The following PCDH15 variants were observed in gnomAD, a reference collection of about 807,000 sequenced individuals.
PCDH15 encodes the protein protocadherin-15.
Under a neutral mutation model 178.5 loss-of-function variants are expected in PCDH15, and 129 were observed. The ratio of observed to expected loss-of-function variants is 0.72; its 90% CI spans 0.63 to 0.84. PCDH15 has a LOEUF of 0.84. Among genes scored for constraint, PCDH15 ranks in the 40% least tolerant of loss-of-function variants. PCDH15 has a pLI of 0.00. For missense variants in PCDH15, 2,230 were observed against 2,099.9 expected (o/e 1.06, Z -1.21); for synonymous variants, 800 against 732.0 (o/e 1.09, Z -1.50).
chr10:54,483,562 G>GA (rs902348406), intron 3 of PCDH15, among the ~76,000 whole-genome samples: 1 of 151,650 alleles, frequency 6.6e-6, no homozygotes, highest in African/African-American at 2.4e-5. Flanking sequence ...GTGTAATGGA[G>GA]AAAAAATAGG....
chr10:53,825,080 T>C lies in PCDH15; in HGVS notation c.4367+2313A>G, dbSNP rs34676448. 5,925 of 1,506,542 alleles carry C rather than the reference T, an allele frequency of 3.9e-3. 12 individuals are homozygous for C. The highest frequency in any genetic ancestry group is 4.2e-3 in the Non-Finnish European group (4,679 of 1,126,144). The allele number at this position is 1,506,542 out of a possible 1,614,324, so 93.3% of individuals were successfully genotyped here. ...TACAGTACAACAGCATTTTAATCTG[T>C]TCTATTGTATCTATTTTTCTAACGC... On this transcript the variant is annotated intron_variant, in intron 32 of 37. Coordinates refer to ENST00000644397, the MANE Select transcript of PCDH15 (RefSeq NM_001384140.1).
chr10:55,605,428 G>A (rs1294857142), intron 2 of PCDH15, among the ~76,000 whole-genome samples: 4 of 150,918 alleles, frequency 2.7e-5, no homozygotes, highest in South Asian at 2.1e-4. Flanking sequence ...CCAAAGCCGG[G>A]CAGAGACACA....
At chr10:55,386,869 A>T (rs1837673559) in intron 2 of PCDH15, among the ~76,000 whole-genome samples, 1 of 152,122 alleles carries the variant, frequency 6.6e-6, no homozygotes, top group Non-Finnish European at 1.5e-5. Context: ...GCGATTTCTA[A>T]GATTTCTTCT....
intron 2 of PCDH15, among the ~76,000 whole-genome samples, chr10:55,534,132 A>G (rs916882126): frequency 6.6e-6 from 1 of 152,078 alleles, no homozygotes; most frequent in Non-Finnish European, 1.5e-5. Context: ...TCCTAGAAGA[A>G]AACCTAGGAA....
intron 2 of PCDH15, among the ~76,000 whole-genome samples, chr10:55,118,594 C>T (rs1008196235): frequency 5.9e-5 from 9 of 152,160 alleles, no homozygotes; most frequent in African/African-American, 2.2e-4. Flanking sequence ...GATTTCAATG[C>T]AAGAAGAGGT....
chr10:54,613,867 C>A (rs542134151), intron 2 of PCDH15, among the ~76,000 whole-genome samples: 2 of 151,492 alleles, frequency 1.3e-5, no homozygotes, highest in South Asian at 2.1e-4. Flanking sequence ...AGCTCCTCAA[C>A]CTTGGATGAG....
rs185210620 is a variant in PCDH15 at position 53,989,593 on chromosome 10, T to C, written c.2868+6056A>G. Among the ~76,000 whole-genome samples the C allele has an allele frequency of 1.3e-3, 204 of 152,258 alleles. 1 individual carries two copies. The highest frequency in any genetic ancestry group is 3.4e-3 in the Middle Eastern group (1 of 294). ...ACAAATGGGAGTCAGGCTGGGACTA[T>C]AGCATGTCAATTTTCACAAGCTGAC... On this transcript the variant is annotated intron_variant, in intron 21 of 37. Transcript: ENST00000644397.
At chr10:54,983,293 C>T (rs562524184) in intron 2 of PCDH15, among the ~76,000 whole-genome samples, 20 of 152,048 alleles carry the variant, frequency 1.3e-4, no homozygotes, top group Non-Finnish European at 2.4e-4. Context: ...AGTTCTTAGG[C>T]TGATCTTGTT....
intron 17 of PCDH15, among the ~76,000 whole-genome samples, chr10:54,077,989 G>A (rs1321106744): frequency 2.6e-5 from 4 of 152,116 alleles, no homozygotes; most frequent in African/African-American, 4.8e-5. Context: ...CTTGAACCCG[G>A]GAGGCTGAGT....
At chr10:54,415,605 T>C (rs963206270) in intron 3 of PCDH15, among the ~76,000 whole-genome samples, 7 of 149,250 alleles carry the variant, frequency 4.7e-5, no homozygotes, top group African/African-American at 1.5e-4. Flanking sequence ...ATGTGATATA[T>C]GTGAAAAGAA....
chr10:54,866,547 G>A (rs1311693397), intron 3 of PCDH15, among the ~76,000 whole-genome samples: 1 of 152,142 alleles, frequency 6.6e-6, no homozygotes, highest in Admixed American at 6.5e-5. Flanking sequence ...AATGATACAG[G>A]AATACTTTCA....
chr10:54,960,583 A>C (rs2131883562), intron 2 of PCDH15, among the ~76,000 whole-genome samples: 1 of 152,320 alleles, frequency 6.6e-6, no homozygotes, highest in South Asian at 2.1e-4. Context: ...TAATAAAAAA[A>C]GATTAAGTAA....
At chr10:54,454,541 T>C (rs1428963508) in intron 3 of PCDH15, among the ~76,000 whole-genome samples, 1 of 151,456 alleles carries the variant, frequency 6.6e-6, no homozygotes, top group Non-Finnish European at 1.5e-5. Flanking sequence ...AATATTTCTG[T>C]GGATTATTCC....
At chr10:55,491,695 T>A (rs1167993040) in intron 2 of PCDH15, among the ~76,000 whole-genome samples, 1 of 150,392 alleles carries the variant, frequency 6.6e-6, no homozygotes, top group African/African-American at 2.4e-5. Flanking sequence ...ATCTTACACA[T>A]GGAGCTCTTC....
At chr10:54,716,951 G>T (rs370894619) in intron 1 of PCDH15, among the ~76,000 whole-genome samples, 2 of 131,232 alleles carry the variant, frequency 1.5e-5, no homozygotes, top group Admixed American at 7.8e-5. Context: ...TCAGAAATAA[G>T]GCCGCATATC....
intron 2 of PCDH15, among the ~76,000 whole-genome samples, chr10:55,108,898 CA>C (rs1837425813): frequency 6.6e-6 from 1 of 152,026 alleles, no homozygotes; most frequent in Admixed American, 6.6e-5. Flanking sequence ...GAAAAGAGAA[CA>C]GATTTTAGAG....
chr10:54,313,901 C>T (rs1284930703), intron 8 of PCDH15, among the ~76,000 whole-genome samples: 1 of 151,958 alleles, frequency 6.6e-6, no homozygotes, highest in Non-Finnish European at 1.5e-5. Context: ...GTACACTCTG[C>T]TTTTCAAGCA....
At chr10:54,755,953 G>A (rs1462162094) in intron 1 of PCDH15, among the ~76,000 whole-genome samples, 1 of 151,908 alleles carries the variant, frequency 6.6e-6, no homozygotes, top group Admixed American at 6.6e-5. Context: ...AGGCGCGGTA[G>A]CTCATACCTG....
intron 2 of PCDH15, among the ~76,000 whole-genome samples, chr10:55,138,535 G>A (rs1385131517): frequency 6.6e-6 from 1 of 152,080 alleles, no homozygotes; most frequent in Non-Finnish European, 1.5e-5. Flanking sequence ...CCCTTGCCCT[G>A]CCAGTTCAGC....
Sources: allele counts gnomAD v4.1 joint callset (sites outside exome capture counted in the v4.1 genomes callset), GRCh38; gene constraint gnomAD v4.1.1; transcripts MANE v1.5; gene names NCBI Gene and HGNC (gene_info 2026-07-23, HGNC 2026-07-21).